AMBN: variants seen among roughly 807,000 people sequenced by gnomAD.
AMBN encodes the protein enamel matrix protein.
In AMBN, 54 loss-of-function variants were observed where a neutral mutation model predicts 48.0. The observed-to-expected ratio is 1.12, with a 90% CI of 0.90 to 1.41. The LOEUF (loss-of-function observed/expected upper bound fraction) is 1.41, where lower values mean the gene tolerates loss of function less well. Among genes scored for constraint, AMBN ranks in the 40% most tolerant of loss-of-function variants. The probability of loss-of-function intolerance (pLI) is 0.00; values close to 1 mark genes in which losing one functional copy is unlikely to be tolerated. For missense variants in AMBN, 571 were observed against 547.3 expected, an observed-to-expected ratio of 1.04 and a Z score of -0.43; for synonymous variants, 186 against 190.0, an observed-to-expected ratio of 0.98 and a Z score of 0.17.
chr4:70,599,596 C>T lies in AMBN; in HGVS notation c.244C>T (p.Pro82Ser), dbSNP rs779573135. The change falls in exon 5 of 13, where the codon CCA becomes TCA. Residue 82 changes from proline to serine, a missense_variant. Pro to Ser is a moderately conservative substitution (Grantham distance 74). Coordinates refer to ENST00000322937, the MANE Select transcript of AMBN (RefSeq NM_016519.6). ...TTTGTGGATGCACGGTCTCCTCCCA[C>T]CACATTCCTCTCTTCCATGGATGAG... ...NSLWMHGLLPPHSSLPWMRPR... is the reference protein window; with the variant it reads ...NSLWMHGLLPSHSSLPWMRPR... 9.3e-6 allele frequency: 15 copies of T among 1,613,748 alleles called. No homozygotes were observed. In the South Asian group the frequency reaches 1.3e-4, roughly 14 times the overall value.
At chr4:70,600,962 A>G (rs936106788) in intron 5 of AMBN, among the ~76,000 whole-genome samples, 5 of 152,214 alleles carry the variant, frequency 3.3e-5, no homozygotes, top group African/African-American at 1.2e-4. Flanking sequence ...AAAATATATT[A>G]GGCACCCACC....
At chr4:70,596,653 T>G (rs989628531) in intron 2 of AMBN, among the ~76,000 whole-genome samples, 5 of 152,236 alleles carry the variant, frequency 3.3e-5, no homozygotes, top group Non-Finnish European at 7.3e-5. Context: ...CTGTGGTAAT[T>G]TTTAAAGAAA....
intron 12 of AMBN, 28 bp from the exon 13 acceptor site, chr4:70,606,157 C>G: frequency 6.2e-7 from 1 of 1,610,284 alleles, no homozygotes; most frequent in Non-Finnish European, 8.5e-7. Context: ...GTGATGATGG[C>G]ATCTTTGACG....
chr4:70,592,339 A>C lies in AMBN; in HGVS notation c.-20A>C. 6.2e-7 allele frequency: 1 copy of C among 1,613,832 alleles called. No individual in the cohort carries two copies. Among genetic ancestry groups the C allele is most frequent in the Non-Finnish European group, 8.5e-7 (1 of 1,179,788 alleles). On this transcript the variant is annotated 5_prime_UTR_variant, in exon 1 of 13. Transcript: ENST00000322937. ...TAGAACTATCTTGGTTGGCATCATC[A>C]GGCCCTGAGAGCACAGTGCATGTCA... is the stretch of plus-strand genomic sequence containing the variant.
At chr4:70,601,340 C>T (rs1737516538) in intron 5 of AMBN, 78 bp from the exon 6 acceptor site, 1 of 1,439,890 alleles carries the variant, frequency 6.9e-7, no homozygotes. Context: ...GCGCCCCAAG[C>T]CCCTTTGTTT....
intron 5 of AMBN, among the ~76,000 whole-genome samples, chr4:70,601,192 C>A (rs1737511938): frequency 6.6e-6 from 1 of 152,110 alleles, no homozygotes; most frequent in South Asian, 2.1e-4. Context: ...GTAGCTTCAC[C>A]TTTACGAGCA....
At chr4:70,598,260 C>T in intron 3 of AMBN, 96 bp from the exon 4 acceptor site, 1 of 772,852 alleles carries the variant, frequency 1.3e-6, no homozygotes. Flanking sequence ...TGATTCACAC[C>T]AAACTTTGTG....
chr4:70,603,945 C>A, intron 12 of AMBN, 24 bp downstream of exon 12: 1 of 1,611,874 alleles, frequency 6.2e-7, no homozygotes, highest in Non-Finnish European at 8.5e-7. Context: ...TCTAACTCTT[C>A]TTAAAATAGT....
chr4:70,597,523 T>C (rs997028586), intron 3 of AMBN, among the ~76,000 whole-genome samples: 1 of 152,298 alleles, frequency 6.6e-6, no homozygotes, highest in Non-Finnish European at 1.5e-5. Context: ...AGTGTATTTG[T>C]CTTATTGCAG....
chr4:70,604,642 T>C (rs1737600922), intron 12 of AMBN, among the ~76,000 whole-genome samples: 2 of 152,234 alleles, frequency 1.3e-5, no homozygotes, highest in African/African-American at 4.8e-5. Context: ...TCAGTATTTT[T>C]GTGTGCCTTC....
chr4:70,603,962 G>C (rs754667088), intron 12 of AMBN, 41 bp downstream of exon 12: 1 of 1,597,384 alleles, frequency 6.3e-7, no homozygotes, highest in Non-Finnish European at 8.6e-7. Context: ...TAGTGGCCAG[G>C]GAAGAACAGT....
chr4:70,600,258 G>A (rs909739917), intron 5 of AMBN, among the ~76,000 whole-genome samples: 3 of 151,904 alleles, frequency 2.0e-5, no homozygotes, highest in Non-Finnish European at 2.9e-5. Context: ...GCAGTGAGCC[G>A]AGATTGTGCC....
intron 4 of AMBN, among the ~76,000 whole-genome samples, chr4:70,599,218 G>C (rs913502352): frequency 6.6e-6 from 1 of 152,032 alleles, no homozygotes; most frequent in South Asian, 2.1e-4. Flanking sequence ...CAAGGTGGGC[G>C]GATCATGAGG....
At chr4:70,595,814 A>G (rs759085271) in intron 2 of AMBN, among the ~76,000 whole-genome samples, 6 of 152,138 alleles carry the variant, frequency 3.9e-5, no homozygotes, top group Non-Finnish European at 7.4e-5. Context: ...GTGTAAAGTA[A>G]TAAGGATTGG....
intron 2 of AMBN, 58 bp downstream of exon 2, chr4:70,593,453 A>C: frequency 7.1e-7 from 1 of 1,399,078 alleles, no homozygotes; most frequent in Admixed American, 1.7e-5. Context: ...AACTCCAAAC[A>C]ACACTGAAGG....
At chr4:70,605,703 A>T (rs559932940) in intron 12 of AMBN, among the ~76,000 whole-genome samples, 7 of 152,220 alleles carry the variant, frequency 4.6e-5, no homozygotes, top group Admixed American at 1.3e-4. Flanking sequence ...CAAGAAGATC[A>T]CTTGAGCCTA....
At chr4:70,600,179 C>G (rs576569856) in intron 5 of AMBN, among the ~76,000 whole-genome samples, 1 of 152,202 alleles carries the variant, frequency 6.6e-6, no homozygotes, top group South Asian at 2.1e-4. Flanking sequence ...TGGTGGCAGG[C>G]ACCTGTAATC....
chr4:70,597,129 C>A, intron 3 of AMBN, 80 bp downstream of exon 3: 1 of 1,303,686 alleles, frequency 7.7e-7, no homozygotes. Context: ...TCGTGTGCTT[C>A]TCAGTTTTCC....
intron 4 of AMBN, 32 bp from the exon 5 acceptor site, chr4:70,599,504 A>G (rs778629743): frequency 1.4e-6 from 2 of 1,457,660 alleles, no homozygotes; most frequent in South Asian, 2.4e-5. Flanking sequence ...ACATTTAAAT[A>G]TAAGCATGTC....
Sources: gnomAD v4.1 joint callset for allele counts (sites outside exome capture counted in the v4.1 genomes callset) on GRCh38, gnomAD v4.1.1 for gene constraint, MANE v1.5 for transcripts, NCBI Gene and HGNC (gene_info 2026-07-23, HGNC 2026-07-21) for gene names.